CCSER1: variants seen among roughly 807,000 people sequenced by gnomAD.
The protein encoded by CCSER1 is coiled-coil serine rich protein 1, also known as serine-rich coiled-coil domain-containing protein 1.
Under a neutral mutation model 82.0 loss-of-function variants are expected in CCSER1, and 41 were observed. The observed-to-expected ratio is 0.50, with a 90% CI of 0.39 to 0.65. CCSER1 has a LOEUF of 0.65. Ranked by LOEUF, CCSER1 falls within the 30% of genes least tolerant of loss-of-function variation. The pLI, the probability that CCSER1 is intolerant of heterozygous loss-of-function variation, is 0.00. For synonymous variants in CCSER1, 414 were observed against 383.9 expected, an observed-to-expected ratio of 1.08 and a Z score of -0.92; for missense variants, 1,119 against 1,064.2, an observed-to-expected ratio of 1.05 and a Z score of -0.72.
At chr4:91,481,072 C>G (rs1378956947) in intron 10 of CCSER1, among the ~76,000 whole-genome samples, 1 of 141,538 alleles carries the variant, frequency 7.1e-6, no homozygotes, top group Non-Finnish European at 1.6e-5. Context: ...TTCCCCTCCC[C>G]TCCCCACCCC....
chr4:90,277,951 A>G (rs1205665033), intron 1 of CCSER1, among the ~76,000 whole-genome samples: 1 of 152,158 alleles, frequency 6.6e-6, no homozygotes, highest in Non-Finnish European at 1.5e-5. Flanking sequence ...AAGATCTAAT[A>G]TCCAGATTCT....
At chr4:91,125,080 C>T (rs1727390694) in intron 10 of CCSER1, among the ~76,000 whole-genome samples, 1 of 151,624 alleles carries the variant, frequency 6.6e-6, no homozygotes, top group Non-Finnish European at 1.5e-5. Flanking sequence ...TTCTTTTATA[C>T]TTTAAAACTA....
chr4:90,717,425 G>A (rs959452042), intron 6 of CCSER1, among the ~76,000 whole-genome samples: 6 of 152,108 alleles, frequency 3.9e-5, no homozygotes, highest in Admixed American at 3.3e-4. Flanking sequence ...GAATGGAAAA[G>A]GTTGTTGAAC....
chr4:90,782,253 C>A lies in CCSER1; in HGVS notation c.2011-33509C>A, dbSNP rs551132550. On this transcript the variant is annotated intron_variant, in intron 7 of 10. Coordinates refer to ENST00000509176, the MANE Select transcript of CCSER1 (RefSeq NM_001145065.2). ...TTCCTTAAGGAATTTGTAGACTAAT[C>A]TAAGGAAATAAAAATCAATTTTAAC... Among the ~76,000 whole-genome samples the A allele has an allele frequency of 3.3e-5, 5 of 152,170 alleles. 1 individual carries two copies. In the South Asian group the frequency reaches 1.0e-3, roughly 32 times the overall value.
intron 4 of CCSER1, among the ~76,000 whole-genome samples, chr4:90,423,321 G>A (rs1757005570): frequency 6.6e-6 from 1 of 152,086 alleles, no homozygotes; most frequent in African/African-American, 2.4e-5. Context: ...CACCTCCTGG[G>A]TTCAAACGAT....
intron 7 of CCSER1, among the ~76,000 whole-genome samples, chr4:90,809,886 T>A (rs886765361): frequency 7.3e-6 from 1 of 136,662 alleles, no homozygotes; most frequent in African/African-American, 2.9e-5. Context: ...AGTGATACCC[T>A]GTCTCTAAAT....
intron 5 of CCSER1, among the ~76,000 whole-genome samples, chr4:90,627,173 T>C (rs940142198): frequency 6.6e-6 from 1 of 152,160 alleles, no homozygotes; most frequent in Non-Finnish European, 1.5e-5. Context: ...ACTGAACATA[T>C]CTGTGAAGAT....
intron 10 of CCSER1, among the ~76,000 whole-genome samples, chr4:91,166,230 G>A (rs745603655): frequency 1.3e-5 from 2 of 152,114 alleles, no homozygotes; most frequent in Non-Finnish European, 2.9e-5. Context: ...GTTGACACAA[G>A]AATTACTAAA....
At chr4:91,033,433 T>G (rs1741159016) in intron 9 of CCSER1, among the ~76,000 whole-genome samples, 1 of 152,194 alleles carries the variant, frequency 6.6e-6, no homozygotes, top group South Asian at 2.1e-4. Context: ...TCCAGTCTCC[T>G]GCTGTTGCCT....
intron 5 of CCSER1, among the ~76,000 whole-genome samples, chr4:90,588,439 T>C (rs547237265): frequency 7.2e-5 from 11 of 152,342 alleles, no homozygotes; most frequent in Non-Finnish European, 1.6e-4. Context: ...AGAAGCAACT[T>C]CTCAAGCATT....
intron 3 of CCSER1, among the ~76,000 whole-genome samples, chr4:90,323,618 A>C (rs1435901522): frequency 6.6e-6 from 1 of 151,994 alleles, no homozygotes; most frequent in East Asian, 1.9e-4. Flanking sequence ...CAGAGGATGG[A>C]GTAATGGTGG....
At chr4:91,491,803 A>G (rs1177078220) in intron 10 of CCSER1, among the ~76,000 whole-genome samples, 1 of 152,090 alleles carries the variant, frequency 6.6e-6, no homozygotes, top group East Asian at 1.9e-4. Context: ...ATAGATGGAA[A>G]TGTTTACAAT....
intron 1 of CCSER1, among the ~76,000 whole-genome samples, chr4:90,198,403 A>G (rs78694949): frequency 0.044 from 6,661 of 152,266 alleles, 204 homozygotes; most frequent in Non-Finnish European, 0.064. Context: ...AGAGGCAGAC[A>G]CCAAATATAC....
At chr4:90,325,460 T>C (rs1049910666) in intron 3 of CCSER1, 5 of 176,660 alleles carry the variant, frequency 2.8e-5, no homozygotes, top group African/African-American at 9.4e-5. Flanking sequence ...TTTTTCAAGT[T>C]ATATTATTTT....
intron 10 of CCSER1, among the ~76,000 whole-genome samples, chr4:91,518,547 A>T (rs974199955): frequency 6.6e-6 from 1 of 152,028 alleles, no homozygotes; most frequent in Non-Finnish European, 1.5e-5. Context: ...TCCTACTGAG[A>T]CTGTTCAGCC....
Position 91,085,956 on chromosome 4 carries a change from A to G in CCSER1, c.2179A>G (p.Asn727Asp), listed in dbSNP as rs1311957813. 6.6e-7 allele frequency: 1 copy of G among 1,524,666 alleles called. No individual in the cohort carries two copies. Among genetic ancestry groups the G allele is most frequent in the Admixed American group, 2.0e-5 (1 of 50,834 alleles). The allele number at this position is 1,524,666 out of a possible 1,614,324, so 94.4% of individuals were successfully genotyped here. Residue 727 changes from asparagine (N) to aspartate (D), a missense_variant, in exon 10 of 11, where the codon AAC becomes GAC. Physicochemically the swap from Asn to Asp is conservative, Grantham distance 23. Coordinates refer to ENST00000509176, the MANE Select transcript of CCSER1 (RefSeq NM_001145065.2). ...QTELLCYDGL[N>D]LKRLETVQGG... Reference sequence around the variant, plus strand: ...CTTTGCTTTTCTTTTTCAGGGTTTAAACTTGAAAAGACTAGAGACAGTACA... The same window carrying G: ...CTTTGCTTTTCTTTTTCAGGGTTTAGACTTGAAAAGACTAGAGACAGTACA...
intron 10 of CCSER1, among the ~76,000 whole-genome samples, chr4:91,492,264 C>T (rs556308511): frequency 4.6e-5 from 7 of 152,220 alleles, no homozygotes; most frequent in Non-Finnish European, 1.0e-4. Flanking sequence ...TAACTGACAA[C>T]ATAGAATGGC....
chr4:91,552,245 C>A (rs1334423062), intron 10 of CCSER1, among the ~76,000 whole-genome samples: 1 of 151,544 alleles, frequency 6.6e-6, no homozygotes, highest in Non-Finnish European at 1.5e-5. Flanking sequence ...TGTGCTTAAG[C>A]TGATAAATGT....
At chr4:90,669,796 T>A (rs769128363) in intron 6 of CCSER1, among the ~76,000 whole-genome samples, 1 of 152,160 alleles carries the variant, frequency 6.6e-6, no homozygotes, top group Non-Finnish European at 1.5e-5. Context: ...GTATTAATAC[T>A]CATGCACTTA....
Sources: allele counts gnomAD v4.1 joint callset (sites outside exome capture counted in the v4.1 genomes callset), GRCh38; gene constraint gnomAD v4.1.1; transcripts MANE v1.5; gene names NCBI Gene and HGNC (gene_info 2026-07-23, HGNC 2026-07-21).